HERC6: variants seen among roughly 807,000 people sequenced by gnomAD.
HERC6 encodes HECT and RLD domain containing E3 ubiquitin protein ligase family member 6.
Under a neutral mutation model 114.5 loss-of-function variants are expected in HERC6, and 101 were observed. That is an observed-to-expected ratio of 0.88 (90% CI 0.75 to 1.04). HERC6 has a LOEUF of 1.04. Among genes scored for constraint, HERC6 ranks in the 50% least tolerant of loss-of-function variants. HERC6 has a pLI of 0.00. For synonymous variants in HERC6, 408 were observed against 436.2 expected, an observed-to-expected ratio of 0.94 and a Z score of 0.81; for missense variants, 1,133 against 1,230.9, an observed-to-expected ratio of 0.92 and a Z score of 1.19.
At chr4:88,419,586 T>TA (rs1464683250) in intron 13 of HERC6, among the ~76,000 whole-genome samples, 2 of 152,196 alleles carry the variant, frequency 1.3e-5, no homozygotes, top group Non-Finnish European at 2.9e-5. Context: ...GAGATCTTGT[T>TA]AAAAAATTCA....
intron 13 of HERC6, among the ~76,000 whole-genome samples, chr4:88,418,301 G>C (rs1185938682): frequency 6.6e-6 from 1 of 152,076 alleles, no homozygotes; most frequent in Non-Finnish European, 1.5e-5. Context: ...AATGTATGTT[G>C]TAAGAAAAAA....
chr4:88,386,639 T>G lies in HERC6; in HGVS notation c.436+1064T>G, dbSNP rs115785747. On this transcript the variant is annotated intron_variant, in intron 3 of 22. Transcript: ENST00000264346. ...GTTTGGGCTTCAAGGGATAATAAAT[T>G]GTGGGAAAGTGACTAGGAAATATAT... 2.3e-4 allele frequency among the ~76,000 whole-genome samples: 35 copies of G among 152,242 alleles called. No individual in the cohort carries two copies. The East Asian group carries it at 6.6e-3, about 29-fold the overall frequency.
intron 5 of HERC6, among the ~76,000 whole-genome samples, chr4:88,394,463 A>G (rs540989878): frequency 2.5e-5 from 3 of 120,146 alleles, no homozygotes; most frequent in East Asian, 5.1e-4. Context: ...ACACAGCAAG[A>G]CTCTCCTGTC....
At chr4:88,430,367 G>A (rs190932035) in intron 16 of HERC6, among the ~76,000 whole-genome samples, 4 of 151,898 alleles carry the variant, frequency 2.6e-5, no homozygotes, top group East Asian at 1.9e-4. Context: ...CAAGGTGGGC[G>A]GATTACCAGC....
In HERC6 at chr4:88,431,226, T is replaced by C. The variant is rs187435909; in HGVS notation, c.2171T>C (p.Met724Thr). The C allele has an allele frequency of 1.6e-3, 2,631 of 1,613,524 alleles. 5 individuals are homozygous for C. The highest frequency in any genetic ancestry group is 2.0e-3 in the Non-Finnish European group (2,368 of 1,179,556). ...GGVSSEFFHC[M>T]FEEMTKPEYG... ...GTTAGTTCAGAGTTCTTCCACTGTATGTTTGAAGAGATGACCAAGCCAGAA... is the reference window on the plus strand; with the variant it reads ...GTTAGTTCAGAGTTCTTCCACTGTACGTTTGAAGAGATGACCAAGCCAGAA... Residue 724 changes from methionine to threonine, a missense_variant, in exon 17 of 23, where the codon ATG becomes ACG. Met to Thr is a moderately conservative substitution (Grantham distance 81). Around this residue, in one of 3 missense-constraint regions of HERC6, gnomAD observed 388 missense variants for 445.9 expected, o/e 0.87. Transcript: ENST00000264346.
Position 88,428,596 on chromosome 4 carries a change from C to G in HERC6, c.1952C>G (p.Ala651Gly). ...HIKMQMSEKK[A>G]YMLMHETILQ... ...TTTTTCCAGATGTCAGAAAAGAAAG[C>G]ATACATGCTTATGCATGAAACAATT... The change falls in exon 16 of 23, where the codon GCA becomes GGA. Residue 651 changes from alanine to glycine, a missense_variant. Physicochemically the swap from Ala to Gly is moderately conservative, Grantham distance 60. Coordinates refer to ENST00000264346, the MANE Select transcript of HERC6 (RefSeq NM_017912.4). The G allele has an allele frequency of 6.3e-7, 1 of 1,595,390 alleles. No individual in the cohort carries two copies. The highest frequency in any genetic ancestry group is 8.5e-7 in the Non-Finnish European group (1 of 1,173,750).
chr4:88,393,303 A>AT (rs1345327292), intron 4 of HERC6, among the ~76,000 whole-genome samples, 185 bp from the exon 5 acceptor site: 3 of 149,504 alleles, frequency 2.0e-5, no homozygotes, highest in Non-Finnish European at 2.9e-5. Flanking sequence ...TACCCCTTAC[A>AT]TAAAAAAAAA....
At position 88,426,306 on chromosome 4, in the gene HERC6, T is replaced by A. The variant is rs566255504; in HGVS notation, c.1935+1604T>A. ...GCCTCAGCCTCCCAAGTAGGTGGGATTACAGGCATGCGCCACCATGCCTGG... is the reference window on the plus strand; with the variant it reads ...GCCTCAGCCTCCCAAGTAGGTGGGAATACAGGCATGCGCCACCATGCCTGG... On this transcript the variant is annotated intron_variant, in intron 15 of 22. Transcript: ENST00000264346. Among the ~76,000 whole-genome samples, 3 of 152,176 alleles carry A rather than the reference T, an allele frequency of 2.0e-5. 1 individual carries two copies. Among genetic ancestry groups the A allele is most frequent in the African/African-American group, 7.2e-5 (3 of 41,518 alleles).
At chr4:88,430,598 AAATAAATAAAT>A in intron 16 of HERC6, among the ~76,000 whole-genome samples, 1 of 151,384 alleles carries the variant, frequency 6.6e-6, no homozygotes, top group East Asian at 1.9e-4. Context: ...ATAAATAAAT[AAATAAATAAAT>A]AAAAAGAGGG....
intron 5 of HERC6, among the ~76,000 whole-genome samples, chr4:88,394,103 A>T (rs748734613): frequency 5.3e-5 from 8 of 152,208 alleles, no homozygotes; most frequent in Admixed American, 2.6e-4. Context: ...GATGTGAACC[A>T]AACATAAATC....
At chr4:88,434,277 C>T (rs1738524971) in intron 17 of HERC6, among the ~76,000 whole-genome samples, 2 of 152,194 alleles carry the variant, frequency 1.3e-5, no homozygotes, top group African/African-American at 4.8e-5. Context: ...TTTCGGTTTC[C>T]TCACCTAGAA....
At chr4:88,414,077 C>T (rs527402948) in intron 12 of HERC6, among the ~76,000 whole-genome samples, 5 of 152,236 alleles carry the variant, frequency 3.3e-5, no homozygotes, top group African/African-American at 9.6e-5. Context: ...AGAGAAAAGC[C>T]TTTTCCAGCA....
intron 5 of HERC6, among the ~76,000 whole-genome samples, chr4:88,395,495 T>C (rs547661367): frequency 1.3e-5 from 2 of 152,326 alleles, no homozygotes; most frequent in South Asian, 2.1e-4. Context: ...CCTGTGTACA[T>C]TGTGAAATGA....
At chr4:88,395,858 C>T (rs928838990) in intron 5 of HERC6, among the ~76,000 whole-genome samples, 157 bp from the exon 6 acceptor site, 1 of 152,102 alleles carries the variant, frequency 6.6e-6, no homozygotes, top group Admixed American at 6.6e-5. Context: ...GTTAACTCAA[C>T]ATACACTATT....
In HERC6 at chr4:88,417,537, T is replaced by C; in HGVS notation, c.1671T>C (p.Cys557=). ...AGACTAAAACCGAACAGGATCACTG[T>C]AATGTTAAAGCTCTTTTAGGAATGA... The part of the protein sequence containing the change: ...LHQTKTEQDH[C]NVKALLGMMK... The change falls in exon 13 of 23, where the codon TGT becomes TGC. Residue 557 remains cysteine, a synonymous_variant. Coordinates refer to ENST00000264346, the MANE Select transcript of HERC6 (RefSeq NM_017912.4). 1 of 1,613,128 alleles carries C rather than the reference T, an allele frequency of 6.2e-7. No individual in the cohort carries two copies. Among genetic ancestry groups the C allele is most frequent in the South Asian group, 1.1e-5 (1 of 90,908 alleles).
chr4:88,418,454 C>A (rs1428526626), intron 13 of HERC6, among the ~76,000 whole-genome samples: 56 of 152,184 alleles, frequency 3.7e-4, no homozygotes, highest in Admixed American at 3.7e-3. Context: ...GGCAATAGGA[C>A]AGCTCTAGTG....
chr4:88,394,667 C>T lies in HERC6; in HGVS notation c.759+1085C>T, dbSNP rs1735126350. On this transcript the variant is annotated intron_variant, in intron 5 of 22. Coordinates refer to ENST00000264346, the MANE Select transcript of HERC6 (RefSeq NM_017912.4). ...TCAAGCAATTCTCCTGCCTCAGCCT[C>T]CCAAGTGGCTGGGATTACAGGCGTG... Among the ~76,000 whole-genome samples the T allele has an allele frequency of 2.0e-5, 3 of 151,298 alleles. No individual in the cohort carries two copies. In the South Asian group the frequency reaches 6.3e-4, roughly 32 times the overall value.
At chr4:88,390,177 C>CAAAAAAAAAA (rs1156777502) in intron 3 of HERC6, among the ~76,000 whole-genome samples, 1 of 48,672 alleles carries the variant, frequency 2.1e-5, no homozygotes, top group Non-Finnish European at 3.7e-5. Context: ...AACTCTGTAT[C>CAAAAAAAAAA]AAAAAAAAAA....
intron 20 of HERC6, among the ~76,000 whole-genome samples, chr4:88,438,151 A>G (rs1451517477): frequency 1.3e-5 from 2 of 149,930 alleles, no homozygotes; most frequent in Non-Finnish European, 3.0e-5. Context: ...AAAAAAAAGC[A>G]TTTTAGCTTC....
Sources: gnomAD v4.1 joint callset for allele counts (sites outside exome capture counted in the v4.1 genomes callset) on GRCh38, gnomAD v4.1.1 for gene constraint, gnomAD v4.1.1 regional missense constraint, MANE v1.5 for transcripts, NCBI Gene and HGNC (gene_info 2026-07-23, HGNC 2026-07-21) for gene names.